Variants in CDH19 observed in about 807,000 individuals in gnomAD.
CDH19 encodes the protein cadherin-19.
Under a neutral mutation model 64.2 loss-of-function variants are expected in CDH19, and 67 were observed. The ratio of observed to expected loss-of-function variants is 1.04; its 90% CI spans 0.86 to 1.28. The LOEUF (loss-of-function observed/expected upper bound fraction) is 1.28. Among genes scored for constraint, CDH19 ranks in the 50% most tolerant of loss-of-function variants. CDH19 has a pLI of 0.00. For synonymous variants in CDH19, 346 were observed against 319.3 expected, an observed-to-expected ratio of 1.08 and a Z score of -0.89; for missense variants, 1,030 against 929.0, an observed-to-expected ratio of 1.11 and a Z score of -1.41.
At chr18:66,520,786 T>C (rs1985949801) in intron 9 of CDH19, among the ~76,000 whole-genome samples, 2 of 152,086 alleles carry the variant, frequency 1.3e-5, no homozygotes, top group South Asian at 4.1e-4. Context: ...TCAAGTCTGA[T>C]AGTCTGATAA....
At chr18:66,580,914 C>T (rs1363466214) in intron 1 of CDH19, among the ~76,000 whole-genome samples, 1 of 152,068 alleles carries the variant, frequency 6.6e-6, no homozygotes, top group Non-Finnish European at 1.5e-5. Context: ...TAATGCTCCA[C>T]TTCTGATTGA....
Position 66,511,617 on chromosome 18 carries a change from T to C in CDH19, c.1527A>G (p.Leu509=), listed in dbSNP as rs756637603. 2.9e-5 allele frequency: 45 copies of C among 1,561,568 alleles called. No individual in the cohort carries two copies. Among genetic ancestry groups the C allele is most frequent in the Non-Finnish European group, 3.9e-5 (44 of 1,133,460 alleles). Residue 509 remains leucine (L), a synonymous_variant, in exon 10 of 12, where the codon CTA becomes CTG. Transcript: ENST00000262150. The part of the protein sequence containing the change: ...SIEEHHFYFN[L]SVEDTNNSSF... ...TTGAATTGTTAGTGTCTTCTACAGA[T>C]AGATTAAAGTAAAAATGGTGCTCTT...
At chr18:66,530,268 C>A (rs1392502536) in intron 8 of CDH19, among the ~76,000 whole-genome samples, 1 of 151,920 alleles carries the variant, frequency 6.6e-6, no homozygotes. Context: ...ATACGGAGAG[C>A]TTGCAAGAGT....
rs1342457852 is a variant in CDH19 at position 66,504,702 on chromosome 18, C to T, written c.*110G>A. 2.6e-6 allele frequency: 3 copies of T among 1,146,658 alleles called. No individual in the cohort carries two copies. In the East Asian group the frequency reaches 7.3e-5, roughly 28 times the overall value. The allele number at this position is 1,146,658 out of a possible 1,614,324, so 71.0% of individuals were successfully genotyped here. A position where few individuals can be genotyped will look rare whatever the true frequency, so the allele number is the denominator to read the frequency against. ...TTTACTCCAGGGAAATCAGAAAACT[C>T]CATAGACTAGGGCTTTCCCCGCCAT... On this transcript the variant is annotated 3_prime_UTR_variant, in exon 12 of 12. Transcript: ENST00000262150.
At chr18:66,563,234 C>T (rs772862639) in intron 3 of CDH19, among the ~76,000 whole-genome samples, 8 of 151,944 alleles carry the variant, frequency 5.3e-5, no homozygotes, top group Non-Finnish European at 1.0e-4. Flanking sequence ...AGTACAGGTG[C>T]CACAGTATGC....
chr18:66,534,977 A>C lies in CDH19; in HGVS notation c.1336+9T>G, dbSNP rs148286454. On this transcript the variant is annotated intron_variant, in intron 8 of 11. Transcript: ENST00000262150. ...AAACAACTGTATTGGATTTCAAATG[A>C]GTACTTACATTTTTCTGTGGCTGTA... is the stretch of plus-strand genomic sequence containing the variant. 2 of 1,436,792 alleles carry C rather than the reference A, an allele frequency of 1.4e-6. No individual in the cohort carries two copies. Among genetic ancestry groups the C allele is most frequent in the East Asian group, 5.0e-5 (2 of 39,788 alleles). 89.0% of individuals were successfully genotyped at this position (1,436,792 alleles called of 1,614,324 possible).
intron 11 of CDH19, among the ~76,000 whole-genome samples, 181 bp downstream of exon 11, chr18:66,508,814 G>T (rs1386877196): frequency 6.6e-6 from 1 of 151,768 alleles, no homozygotes; most frequent in Admixed American, 6.6e-5. Context: ...CTTGATTTAA[G>T]AATTATACTA....
At position 66,572,213 on chromosome 18, in the gene CDH19, C is replaced by T. The variant is rs183653444; in HGVS notation, c.-9G>A. 94 of 1,603,312 alleles carry T rather than the reference C, an allele frequency of 5.9e-5. 1 individual carries two copies. In the Admixed American group the frequency reaches 1.5e-3, roughly 26 times the overall value. On this transcript the variant is annotated 5_prime_UTR_variant, in exon 2 of 12. Transcript: ENST00000262150. The stretch of plus-strand genomic sequence containing the variant: ...AGTAAATAACAGTTCATTGCGTTGA[C>T]TCTTTTGATTCCAACTATTACTCTT...
intron 3 of CDH19, among the ~76,000 whole-genome samples, chr18:66,561,326 A>G (rs979053055): frequency 1.8e-4 from 28 of 152,242 alleles, no homozygotes; most frequent in African/African-American, 6.7e-4. Context: ...TGTCCTGGGT[A>G]AAACTGAAGA....
At chr18:66,603,784 C>T (rs17076464) in intron 1 of CDH19, among the ~76,000 whole-genome samples, 170 bp downstream of exon 1, 3,927 of 152,104 alleles carry the variant, frequency 0.026, 136 homozygotes, top group African/African-American at 0.076. Context: ...TACAAGTACA[C>T]ATCATGGTTT....
intron 5 of CDH19, among the ~76,000 whole-genome samples, chr18:66,548,457 C>T (rs1388746858): frequency 1.3e-5 from 2 of 149,130 alleles, no homozygotes; most frequent in Admixed American, 1.3e-4. Flanking sequence ...GATCAAAGGC[C>T]TGACTCACAA....
At position 66,503,013 on chromosome 18, in the gene CDH19, A is replaced by G. The variant is rs1287563793; in HGVS notation, c.*1799T>C. The G allele has an allele frequency of 3.3e-5, 5 of 151,974 alleles. No homozygotes were observed. Among genetic ancestry groups the G allele is most frequent in the Admixed American group, 6.6e-5 (1 of 15,238 alleles). The allele number at this position is 151,974 out of a possible 1,614,324, so 9.4% of individuals were successfully genotyped here. A position where few individuals can be genotyped will look rare whatever the true frequency, so the allele number is the denominator to read the frequency against. On this transcript the variant is annotated 3_prime_UTR_variant, in exon 12 of 12. Coordinates refer to ENST00000262150, the MANE Select transcript of CDH19 (RefSeq NM_021153.4). ...TTATAACCATTTAACTACTTCATCA[A>G]TATTTCAAAATTACTCAAATTATTT...
chr18:66,542,134 A>G (rs1002157617), intron 7 of CDH19, among the ~76,000 whole-genome samples: 2 of 152,198 alleles, frequency 1.3e-5, no homozygotes, highest in African/African-American at 4.8e-5. Flanking sequence ...TCCCTGAAGA[A>G]CAATGAATAG....
chr18:66,504,528 C>T lies in CDH19; in HGVS notation c.*284G>A, dbSNP rs1157679272. The T allele has an allele frequency of 3.3e-6, 1 of 300,124 alleles. No individual in the cohort carries two copies. Among genetic ancestry groups the T allele is most frequent in the Non-Finnish European group, 6.2e-6 (1 of 161,664 alleles). 18.6% of individuals were successfully genotyped at this position (300,124 alleles called of 1,614,324 possible). A position where few individuals can be genotyped will look rare whatever the true frequency, so the allele number is the denominator to read the frequency against. ...ATAATCGCATAAGGATCGACTACAT[C>T]TTGTGTCCTCTCATCTACTTTTAAT... On this transcript the variant is annotated 3_prime_UTR_variant, in exon 12 of 12. Transcript: ENST00000262150.
rs1222477794 is a variant in CDH19 at position 66,544,016 on chromosome 18, C to G, written c.1169G>C (p.Gly390Ala). Residue 390 changes from glycine to alanine, a missense_variant, in exon 7 of 12, where the codon GGC becomes GCC. Transcript: ENST00000262150. Reference protein sequence around the residue: ...FEETPQGSFVGVVSATDPDNR... With the variant: ...FEETPQGSFVAVVSATDPDNR... ...GTCTGGGTCTGTGGCAGACACCACGCCTACAAATGATCCCTGTGGGGTTTC... is the reference window on the plus strand; with the variant it reads ...GTCTGGGTCTGTGGCAGACACCACGGCTACAAATGATCCCTGTGGGGTTTC... 6.2e-7 allele frequency: 1 copy of G among 1,613,436 alleles called. No homozygotes were observed. Among genetic ancestry groups the G allele is most frequent in the African/African-American group, 1.3e-5 (1 of 74,876 alleles).
chr18:66,515,107 A>G (rs950909481), intron 9 of CDH19, among the ~76,000 whole-genome samples: 1 of 151,668 alleles, frequency 6.6e-6, no homozygotes, highest in East Asian at 1.9e-4. Flanking sequence ...CTTAATAAAC[A>G]ATAAAAAAAT....
Position 66,505,194 on chromosome 18 carries a change from C to T in CDH19, c.1937G>A (p.Gly646Asp). 6.2e-7 allele frequency: 1 copy of T among 1,613,070 alleles called. No individual in the cohort carries two copies. Among genetic ancestry groups the T allele is most frequent in the Non-Finnish European group, 8.5e-7 (1 of 1,179,400 alleles). The change falls in exon 12 of 12, where the codon GGT (glycine) becomes GAT (aspartate). Residue 646 changes from glycine (G) to aspartate (D), a missense_variant. Physicochemically the swap from Gly to Asp is moderately conservative, Grantham distance 94. Coordinates refer to ENST00000262150, the MANE Select transcript of CDH19 (RefSeq NM_021153.4). ...AAAGGCCTCTGTATCTTCTTCTCCA[C>T]CCCCTTCATCATCATATTGGAATAT... is the stretch of plus-strand genomic sequence containing the variant. ...ENIFQYDDEG[G>D]GEEDTEAFDI...
At chr18:66,560,179 G>A (rs115029039) in intron 3 of CDH19, among the ~76,000 whole-genome samples, 4 of 152,064 alleles carry the variant, frequency 2.6e-5, no homozygotes, top group Admixed American at 6.6e-5. Context: ...ACGAGCAAAC[G>A]CCTAGGACAA....
At chr18:66,557,923 A>T (rs1367601015) in intron 3 of CDH19, among the ~76,000 whole-genome samples, 2 of 151,626 alleles carry the variant, frequency 1.3e-5, no homozygotes, top group East Asian at 3.9e-4. Flanking sequence ...CTATATTTGT[A>T]TAATCTTATC....
Sources: allele counts gnomAD v4.1 joint callset (sites outside exome capture counted in the v4.1 genomes callset), GRCh38; gene constraint gnomAD v4.1.1; transcripts MANE v1.5; gene names NCBI Gene and HGNC (gene_info 2026-07-23, HGNC 2026-07-21).